The following P2RY14 variants were observed in gnomAD, a reference collection of about 807,000 sequenced individuals.
The protein encoded by P2RY14 is P2Y purinoceptor 14.
A neutral mutation model predicts 0.9 loss-of-function variants in P2RY14; 2 were observed. That is an observed-to-expected ratio of 2.16 (90% CI 0.88 to 6.79). The LOEUF is 6.79. Among genes scored for constraint, P2RY14 ranks in the 30% most tolerant of loss-of-function variants. P2RY14 has a pLI of 0.05. For synonymous variants in P2RY14, 158 were observed against 147.2 expected, an observed-to-expected ratio of 1.07 and a Z score of -0.53; for missense variants, 378 against 400.1, an observed-to-expected ratio of 0.94 and a Z score of 0.47.
rs1213781770 is a variant in P2RY14, at chr3:151,213,658, G to A, written c.659C>T (p.Ser220Leu). The A allele has an allele frequency of 1.9e-6, 3 of 1,614,018 alleles. No individual in the cohort carries two copies. The African/African-American group carries it at 4.0e-5, about 22-fold the overall frequency. Residue 220 changes from serine (S) to leucine (L), a missense_variant, in exon 3 of 3, where the codon TCA (serine) becomes TTA (leucine). Physicochemically the swap from Ser to Leu is moderately radical, Grantham distance 145. Transcript: ENST00000309170. ...TKKIFKSHLKSSRNSTSVKKK... is the reference protein window; with the variant it reads ...TKKIFKSHLKLSRNSTSVKKK... ...TTTGACCGAAGTGGAATTCCGACTTGACTTAAGGTGGGACTTAAAGATTTT... is the reference window on the plus strand; with the variant it reads ...TTTGACCGAAGTGGAATTCCGACTTAACTTAAGGTGGGACTTAAAGATTTT...
At chr3:151,237,350 CTTTTTTTTTTTTTTTT>C (rs1286631466) in intron 1 of P2RY14, among the ~76,000 whole-genome samples, 2,777 of 94,632 alleles carry the variant, frequency 0.029, 100 homozygotes, top group African/African-American at 0.11. Flanking sequence ...TTTTTTTTTT[CTTTTTTTTTTTTTTTT>C]GAGACAGAGT....
Position 151,213,313 on chromosome 3 carries a change from G to A in P2RY14, c.1004C>T (p.Thr335Ile). The A allele has an allele frequency of 6.2e-7, 1 of 1,607,470 alleles. No homozygotes were observed. The highest frequency in any genetic ancestry group is 8.5e-7 in the Non-Finnish European group (1 of 1,177,406). ...IKRGNTTLESTDTL is the reference protein window; with the variant it reads ...IKRGNTTLESIDTL ...GAGGGTAGGAACTCACAAAGTATCT[G>A]TGCTTTCAAGTGTTGTATTTCCTCT... Residue 335 changes from threonine to isoleucine, a missense_variant, in exon 3 of 3, where the codon ACA becomes ATA. Coordinates refer to ENST00000309170, the MANE Select transcript of P2RY14 (RefSeq NM_014879.4).
At chr3:151,241,492 T>G (rs974168128) in intron 1 of P2RY14, among the ~76,000 whole-genome samples, 6 of 152,186 alleles carry the variant, frequency 3.9e-5, no homozygotes, top group African/African-American at 1.4e-4. Flanking sequence ...CAGTGAAGCA[T>G]CTTCCCCTAT....
intron 1 of P2RY14, chr3:151,269,917 T>A: frequency 2.2e-6 from 1 of 451,502 alleles, no homozygotes. Flanking sequence ...CTGATGCAGG[T>A]GTTGTTGAGT....
intron 1 of P2RY14, among the ~76,000 whole-genome samples, chr3:151,267,326 C>G (rs1281703847): frequency 1.3e-5 from 2 of 152,166 alleles, no homozygotes; most frequent in Non-Finnish European, 2.9e-5. Context: ...TGAAATACTT[C>G]ATGAGAAAAG....
intron 1 of P2RY14, among the ~76,000 whole-genome samples, chr3:151,247,407 T>C (rs1202823038): frequency 6.6e-6 from 1 of 152,060 alleles, no homozygotes; most frequent in Non-Finnish European, 1.5e-5. Flanking sequence ...ATGTGGCACA[T>C]GTACACCATG....
At chr3:151,249,370 T>G (rs1351987598) in intron 1 of P2RY14, among the ~76,000 whole-genome samples, 1 of 152,154 alleles carries the variant, frequency 6.6e-6, no homozygotes, top group Non-Finnish European at 1.5e-5. Context: ...TTGAAATTAG[T>G]TGGAAAACCA....
chr3:151,247,970 T>C lies in P2RY14; in HGVS notation c.-132-28328A>G, dbSNP rs1157738032. On this transcript the variant is annotated intron_variant, in intron 1 of 2. Transcript: ENST00000309170. Reference sequence around the variant, plus strand: ...TCTTTCTTCTTCTTCTTCTTTTTTTTTTTTTTTTTTTTTTTGCCTGAGAAA... The same window carrying C: ...TCTTTCTTCTTCTTCTTCTTTTTTTCTTTTTTTTTTTTTTTGCCTGAGAAA... 1.4e-3 allele frequency among the ~76,000 whole-genome samples: 194 copies of C among 143,180 alleles called. 1 individual carries two copies. The highest frequency in any genetic ancestry group is 2.6e-3 in the Non-Finnish European group (171 of 65,554). 93.9% of individuals were successfully genotyped at this position (143,180 alleles called of 152,430 possible).
intron 1 of P2RY14, among the ~76,000 whole-genome samples, chr3:151,277,637 T>A (rs1742116913): frequency 1.3e-5 from 2 of 152,216 alleles, no homozygotes; most frequent in Admixed American, 1.3e-4. Flanking sequence ...GTAATTTAAT[T>A]TATAATGTTT....
intron 1 of P2RY14, among the ~76,000 whole-genome samples, chr3:151,221,279 T>A (rs1729292816): frequency 6.6e-6 from 1 of 152,126 alleles, no homozygotes; most frequent in Non-Finnish European, 1.5e-5. Context: ...GTTCAGAAAA[T>A]TTGCAGCCTG....
At chr3:151,250,276 G>A (rs1377498727) in intron 1 of P2RY14, among the ~76,000 whole-genome samples, 2 of 152,124 alleles carry the variant, frequency 1.3e-5, no homozygotes, top group Non-Finnish European at 2.9e-5. Context: ...TTTTGGGATT[G>A]TGGTGAAATA....
In P2RY14 at chr3:151,214,122, A is replaced by G; in HGVS notation, c.195T>C (p.Ile65=). The change falls in exon 3 of 3, where the codon ATT becomes ATC. Residue 65 remains isoleucine, a synonymous_variant. Transcript: ENST00000309170. ...SFIIYLKNIV[I]ADFVMSLTFP... The stretch of plus-strand genomic sequence containing the variant: ...AAGTCAGGCTCATCACAAAGTCAGC[A>G]ATAACAATGTTCTTGAGATAGATGA... 1 of 1,614,150 alleles carries G rather than the reference A, an allele frequency of 6.2e-7. No homozygotes were observed. Among genetic ancestry groups the G allele is most frequent in the Non-Finnish European group, 8.5e-7 (1 of 1,179,988 alleles).
chr3:151,225,931 T>G (rs1730404706), intron 1 of P2RY14, among the ~76,000 whole-genome samples: 1 of 152,200 alleles, frequency 6.6e-6, no homozygotes. Flanking sequence ...GTTTATAAAG[T>G]ACATTGTAAC....
intron 2 of P2RY14, among the ~76,000 whole-genome samples, chr3:151,219,186 G>A (rs1456858564): frequency 6.6e-6 from 1 of 152,216 alleles, no homozygotes; most frequent in Non-Finnish European, 1.5e-5. Context: ...CCTTAGTGCA[G>A]TGTAATATCT....
Position 151,214,105 on chromosome 3 carries a change from C to T in P2RY14, c.212G>A (p.Ser71Asn), listed in dbSNP as rs995231498. 6.2e-7 allele frequency: 1 copy of T among 1,614,088 alleles called. No individual in the cohort carries two copies. The highest frequency in any genetic ancestry group is 8.5e-7 in the Non-Finnish European group (1 of 1,179,990). The change falls in exon 3 of 3, where the codon AGC becomes AAC. Residue 71 changes from serine to asparagine, a missense_variant. Physicochemically the swap from Ser to Asn is conservative, Grantham distance 46 (BLOSUM62 1). Transcript: ENST00000309170. ...KNIVIADFVMSLTFPFKILGD... is the reference protein window; with the variant it reads ...KNIVIADFVMNLTFPFKILGD... ...AAGGATCTTGAAAGGAAAAGTCAGG[C>T]TCATCACAAAGTCAGCAATAACAAT...
At chr3:151,262,925 A>G (rs1341537037) in intron 1 of P2RY14, among the ~76,000 whole-genome samples, 1 of 152,198 alleles carries the variant, frequency 6.6e-6, no homozygotes, top group Non-Finnish European at 1.5e-5. Context: ...TTGCCTGAAG[A>G]CACGTAGCTG....
chr3:151,264,731 A>T (rs1452894614), intron 1 of P2RY14, among the ~76,000 whole-genome samples: 1 of 152,198 alleles, frequency 6.6e-6, no homozygotes, highest in African/African-American at 2.4e-5. Context: ...ACACAAATTA[A>T]GTCTTGCTAC....
chr3:151,269,960 A>G (rs1740566853), intron 1 of P2RY14: 2 of 388,368 alleles, frequency 5.1e-6, no homozygotes, highest in South Asian at 4.1e-5. Flanking sequence ...TACTTGGACA[A>G]ATCCATTACA....
chr3:151,273,006 A>ATTG (rs762969488), intron 1 of P2RY14, among the ~76,000 whole-genome samples: 40 of 152,182 alleles, frequency 2.6e-4, no homozygotes, highest in Non-Finnish European at 5.4e-4. Flanking sequence ...AGAAATGTTC[A>ATTG]TTGGAGCATT....
Sources: allele counts gnomAD v4.1 joint callset (sites outside exome capture counted in the v4.1 genomes callset), GRCh38; gene constraint gnomAD v4.1.1; transcripts MANE v1.5; gene names NCBI Gene and HGNC (gene_info 2026-07-23, HGNC 2026-07-21).